CDH4: variants seen among roughly 807,000 people sequenced by gnomAD.
CDH4 encodes cadherin 4, also known as cadherin-4.
CDH4 carries 33 observed loss-of-function variants against 86.0 expected under a neutral mutation model. That is an observed-to-expected ratio of 0.38 (90% confidence interval 0.29 to 0.51). CDH4 has a LOEUF of 0.51. Among genes scored for constraint, CDH4 ranks in the 20% least tolerant of loss-of-function variants. The pLI, the probability that CDH4 is intolerant of heterozygous loss-of-function variation, is 0.86. For missense variants in CDH4, 1,114 were observed against 1,307.4 expected, an observed-to-expected ratio of 0.85 and a Z score of 2.28; for synonymous variants, 555 against 549.4, an observed-to-expected ratio of 1.01 and a Z score of -0.14.
chr20:61,787,209 A>G (rs1320689087), intron 4 of CDH4, among the ~76,000 whole-genome samples: 1 of 152,046 alleles, frequency 6.6e-6, no homozygotes, highest in East Asian at 1.9e-4. Flanking sequence ...AGCACCCTGT[A>G]TCTGTTGGTT....
At chr20:61,576,089 C>T (rs1429867247) in intron 2 of CDH4, among the ~76,000 whole-genome samples, 2 of 152,144 alleles carry the variant, frequency 1.3e-5, no homozygotes, top group African/African-American at 4.8e-5. Context: ...AGGGTGTGCT[C>T]CCCATTCGGA....
intron 4 of CDH4, among the ~76,000 whole-genome samples, chr20:61,839,023 A>T (rs1396951047): frequency 6.6e-6 from 1 of 152,076 alleles, no homozygotes; most frequent in Non-Finnish European, 1.5e-5. Context: ...GCAGCTCAGA[A>T]CTCCCAACAG....
chr20:61,285,072 GTT>G (rs776837492), intron 2 of CDH4, among the ~76,000 whole-genome samples: 1 of 150,562 alleles, frequency 6.6e-6, no homozygotes, highest in Non-Finnish European at 1.5e-5. Context: ...AGCCTTTCCT[GTT>G]TTTTTTTTTT....
rs368867362 is a variant in CDH4, at chr20:61,929,598, C to A, written c.2006-11C>A. 1.0e-4 allele frequency: 161 copies of A among 1,606,444 alleles called. No individual in the cohort carries two copies. The highest frequency in any genetic ancestry group is 1.3e-4 in the Non-Finnish European group (158 of 1,173,462). On this transcript the variant is annotated splice_polypyrimidine_tract_variant and intron_variant, in intron 12 of 15. Coordinates refer to ENST00000614565, the MANE Select transcript of CDH4 (RefSeq NM_001794.5). Reference sequence around the variant, plus strand: ...GGCTCTGGTTGAATGTTTACTGTTGCTTTGCACCAGGTGACTATGCCCAAC... The same window carrying A: ...GGCTCTGGTTGAATGTTTACTGTTGATTTGCACCAGGTGACTATGCCCAAC...
At chr20:61,606,811 C>T (rs1260290779) in intron 2 of CDH4, among the ~76,000 whole-genome samples, 2 of 152,256 alleles carry the variant, frequency 1.3e-5, no homozygotes, top group African/African-American at 2.4e-5. Context: ...GGTTAAATGA[C>T]TCTGTGTGGC....
In CDH4 at chr20:61,460,261, G is replaced by C. The variant is rs76103931; in HGVS notation, c.169+205324G>C. On this transcript the variant is annotated intron_variant, in intron 2 of 15. Coordinates refer to ENST00000614565, the MANE Select transcript of CDH4 (RefSeq NM_001794.5). ...TGCCTCTGCTCCCTTCCTAAGGAAGGGAAACCTGCAATCAATATGAGCAGC... is the reference window on the plus strand; with the variant it reads ...TGCCTCTGCTCCCTTCCTAAGGAAGCGAAACCTGCAATCAATATGAGCAGC... Among the ~76,000 whole-genome samples, 1,053 of 152,244 alleles carry C rather than the reference G, an allele frequency of 6.9e-3. 11 individuals carry two copies. Among genetic ancestry groups the C allele is most frequent in the African/African-American group, 0.024 (991 of 41,546 alleles).
chr20:61,539,165 C>T (rs1365984742), intron 2 of CDH4, among the ~76,000 whole-genome samples: 5 of 152,174 alleles, frequency 3.3e-5, no homozygotes, highest in Non-Finnish European at 5.9e-5. Flanking sequence ...TGGAGGAGTC[C>T]CCAGGAGTGC....
intron 2 of CDH4, among the ~76,000 whole-genome samples, chr20:61,365,852 C>A (rs1372207463): frequency 1.3e-5 from 2 of 152,206 alleles, no homozygotes; most frequent in Non-Finnish European, 2.9e-5. Context: ...CCCCACCTTG[C>A]TCCTGAGATC....
intron 2 of CDH4, among the ~76,000 whole-genome samples, chr20:61,497,974 G>T (rs1316195862): frequency 6.8e-6 from 1 of 146,550 alleles, no homozygotes; most frequent in Non-Finnish European, 1.5e-5. Context: ...ACCAAACACC[G>T]CATGTTCTCA....
intron 2 of CDH4, among the ~76,000 whole-genome samples, chr20:61,302,195 G>A (rs1045994207): frequency 4.6e-5 from 7 of 152,188 alleles, no homozygotes; most frequent in African/African-American, 1.7e-4. Context: ...GCTCATGGTC[G>A]AGCCCTCACC....
chr20:61,540,192 C>T (rs769583687), intron 2 of CDH4, among the ~76,000 whole-genome samples: 2 of 152,134 alleles, frequency 1.3e-5, no homozygotes, highest in Admixed American at 6.5e-5. Flanking sequence ...GACGAATGCA[C>T]GGCAGCGTCG....
chr20:61,868,090 G>A (rs1238345965), intron 6 of CDH4, among the ~76,000 whole-genome samples: 2 of 152,246 alleles, frequency 1.3e-5, no homozygotes, highest in Non-Finnish European at 2.9e-5. Flanking sequence ...TGGTTAATGA[G>A]CATAAACCGC....
intron 3 of CDH4, among the ~76,000 whole-genome samples, chr20:61,752,329 CAAAAA>C (rs34828485): frequency 1.2e-5 from 1 of 83,140 alleles, no homozygotes; most frequent in Non-Finnish European, 2.5e-5. Flanking sequence ...AAAAGCCTGT[CAAAAA>C]AAAAAAAAAA....
intron 2 of CDH4, among the ~76,000 whole-genome samples, chr20:61,357,052 C>A (rs1030273941): frequency 6.6e-6 from 1 of 152,190 alleles, no homozygotes; most frequent in Non-Finnish European, 1.5e-5. Flanking sequence ...CCTTCTCCCC[C>A]TCACTGAGAT....
intron 2 of CDH4, among the ~76,000 whole-genome samples, chr20:61,447,126 C>T (rs1290417468): frequency 6.6e-6 from 1 of 151,930 alleles, no homozygotes; most frequent in Non-Finnish European, 1.5e-5. Flanking sequence ...GTGATTTTGT[C>T]TTTTGGGTTT....
chr20:61,401,536 A>C (rs2085049686), intron 2 of CDH4, among the ~76,000 whole-genome samples: 1 of 152,158 alleles, frequency 6.6e-6, no homozygotes, highest in Non-Finnish European at 1.5e-5. Context: ...GGGCTTCTTC[A>C]CATAACCTGA....
chr20:61,837,827 C>T (rs1315771228), intron 4 of CDH4, among the ~76,000 whole-genome samples: 1 of 152,180 alleles, frequency 6.6e-6, no homozygotes, highest in Non-Finnish European at 1.5e-5. Context: ...TCTCCTCCTC[C>T]TCCTCATGCT....
intron 2 of CDH4, among the ~76,000 whole-genome samples, chr20:61,657,882 C>T (rs532656879): frequency 1.1e-4 from 17 of 152,120 alleles, no homozygotes; most frequent in African/African-American, 3.9e-4. Context: ...TGCTACGTCA[C>T]GGTGCCGGGC....
intron 2 of CDH4, among the ~76,000 whole-genome samples, chr20:61,677,417 C>A (rs187786054): frequency 3.0e-4 from 45 of 152,358 alleles, no homozygotes; most frequent in Non-Finnish European, 4.7e-4. Context: ...CTCCAGACTC[C>A]TGCCTCACAG....
Sources: allele counts gnomAD v4.1 joint callset (sites outside exome capture counted in the v4.1 genomes callset), GRCh38; gene constraint gnomAD v4.1.1; transcripts MANE v1.5; gene names NCBI Gene and HGNC (gene_info 2026-07-23, HGNC 2026-07-21).